The following NMS variants were observed in gnomAD, a reference collection of about 807,000 sequenced individuals.
NMS encodes neuromedin S.
NMS carries 30 observed loss-of-function variants against 32.2 expected under a neutral mutation model. The ratio of observed to expected loss-of-function variants is 0.93; its 90% CI spans 0.70 to 1.26. The LOEUF (loss-of-function observed/expected upper bound fraction) is 1.26. Ranked by LOEUF, NMS falls within the 50% of genes most tolerant of loss-of-function variation. The pLI is 0.00. For missense variants in NMS, 190 were observed against 186.3 expected, an observed-to-expected ratio of 1.02 and a Z score of -0.12; for synonymous variants, 76 against 58.5, an observed-to-expected ratio of 1.30 and a Z score of -1.37.
chr2:100,472,919 T>C (rs2104331299), intron 2 of NMS, 69 bp downstream of exon 2: 3 of 1,011,180 alleles, frequency 3.0e-6, no homozygotes, highest in Middle Eastern at 2.1e-4. Context: ...GTGTATAATG[T>C]TCACTTAAAA....
At chr2:100,474,315 C>T (rs1049680246) in intron 3 of NMS, among the ~76,000 whole-genome samples, 1 of 151,770 alleles carries the variant, frequency 6.6e-6, no homozygotes, top group African/African-American at 2.4e-5. Flanking sequence ...CACCTTGAGC[C>T]ACATCTCTTT....
intron 1 of NMS, among the ~76,000 whole-genome samples, chr2:100,471,481 T>C (rs893385734): frequency 6.6e-6 from 1 of 152,206 alleles, no homozygotes; most frequent in Non-Finnish European, 1.5e-5. Context: ...ATTTAACTAC[T>C]TCAATGACCC....
intron 5 of NMS, among the ~76,000 whole-genome samples, chr2:100,478,344 C>A (rs898761895): frequency 1.4e-4 from 22 of 152,178 alleles, no homozygotes; most frequent in African/African-American, 5.3e-4. Context: ...ATGTTCAAGG[C>A]TCTCCAAGTC....
At chr2:100,481,198 AACCTCG>A in intron 8 of NMS, 31 bp downstream of exon 8, 1 of 1,609,124 alleles carries the variant, frequency 6.2e-7, no homozygotes, top group South Asian at 1.1e-5. Context: ...TTTGCTTTCT[AACCTCG>A]ATTCACTGCA....
At position 100,481,116 on chromosome 2, in the gene NMS, T is replaced by C. The variant is rs768493812; in HGVS notation, c.373-10T>C. 4 of 1,614,024 alleles carry C rather than the reference T, an allele frequency of 2.5e-6. No individual in the cohort carries two copies. Among genetic ancestry groups the C allele is most frequent in the Non-Finnish European group, 3.4e-6 (4 of 1,179,860 alleles). ...GGTTGCATAATGGCTTGTGTTTCTA[T>C]ATGTTGCAGGATCACACTGCGACCT... On this transcript the variant is annotated splice_polypyrimidine_tract_variant and intron_variant, in intron 7 of 9. Transcript: ENST00000376865.
At chr2:100,475,535 C>A (rs1460369442) in intron 3 of NMS, among the ~76,000 whole-genome samples, 5 of 152,130 alleles carry the variant, frequency 3.3e-5, no homozygotes, top group African/African-American at 1.2e-4. Flanking sequence ...AGGGCTCTAC[C>A]ATTCACTCAT....
chr2:100,479,573 C>A, intron 6 of NMS, 146 bp downstream of exon 6: 1 of 709,920 alleles, frequency 1.4e-6, no homozygotes, highest in Non-Finnish European at 2.3e-6. Context: ...AGCAGAACTG[C>A]TGGTCCTTTG....
At chr2:100,482,368 T>G in intron 9 of NMS, 57 bp downstream of exon 9, 1 of 1,525,174 alleles carries the variant, frequency 6.6e-7, no homozygotes, top group Non-Finnish European at 9.1e-7. Flanking sequence ...AAATTTTATG[T>G]GTCTGACTGG....
At chr2:100,473,345 A>G (rs1253793896) in intron 2 of NMS, 144 bp from the exon 3 acceptor site, 3 of 348,490 alleles carry the variant, frequency 8.6e-6, no homozygotes, top group Non-Finnish European at 1.6e-5. Flanking sequence ...CCCATAGATT[A>G]TGGTTTATAC....
intron 1 of NMS, among the ~76,000 whole-genome samples, chr2:100,472,259 T>C (rs1677018612): frequency 6.6e-6 from 1 of 151,766 alleles, no homozygotes; most frequent in Admixed American, 6.6e-5. Flanking sequence ...CACAGGCAAG[T>C]GAGAAGAGGA....
intron 9 of NMS, among the ~76,000 whole-genome samples, 194 bp downstream of exon 9, chr2:100,482,505 C>T (rs1677238810): frequency 6.6e-6 from 1 of 151,974 alleles, no homozygotes; most frequent in Non-Finnish European, 1.5e-5. Flanking sequence ...CCCAGCCTAG[C>T]AGATGCAGGC....
At chr2:100,475,134 A>G (rs576532145) in intron 3 of NMS, among the ~76,000 whole-genome samples, 1 of 152,286 alleles carries the variant, frequency 6.6e-6, no homozygotes, top group East Asian at 1.9e-4. Flanking sequence ...AGTCTATCCC[A>G]TTCATTGTTT....
At chr2:100,475,193 T>A (rs1035184940) in intron 3 of NMS, among the ~76,000 whole-genome samples, 1 of 152,220 alleles carries the variant, frequency 6.6e-6, no homozygotes, top group Non-Finnish European at 1.5e-5. Flanking sequence ...ACTGCCAATA[T>A]TTAAAGGCAT....
intron 6 of NMS, among the ~76,000 whole-genome samples, chr2:100,479,658 C>T (rs1677179599): frequency 6.6e-6 from 1 of 152,202 alleles, no homozygotes; most frequent in Non-Finnish European, 1.5e-5. Context: ...GACCCCATGG[C>T]CCAGCCTGCT....
At position 100,478,251 on chromosome 2, in the gene NMS, C is replaced by G. The variant is rs182213282; in HGVS notation, c.261+837C>G. Reference sequence around the variant, plus strand: ...TGCTGGGATTACAGGCGTGAGCCACCATGCCCAGCCAGAATATAACTTTTA... The same window carrying G: ...TGCTGGGATTACAGGCGTGAGCCACGATGCCCAGCCAGAATATAACTTTTA... On this transcript the variant is annotated intron_variant, in intron 5 of 9. Transcript: ENST00000376865. 3.6e-3 allele frequency among the ~76,000 whole-genome samples: 554 copies of G among 152,214 alleles called. 2 individuals carry two copies. Among genetic ancestry groups the G allele is most frequent in the African/African-American group, 0.013 (524 of 41,552 alleles).
At chr2:100,472,917 T>C (rs1258101829) in intron 2 of NMS, 67 bp downstream of exon 2, 1 of 1,021,290 alleles carries the variant, frequency 9.8e-7, no homozygotes, top group Non-Finnish European at 1.5e-6. Flanking sequence ...ATGTGTATAA[T>C]GTTCACTTAA....
At chr2:100,474,055 G>A (rs1677059218) in intron 3 of NMS, among the ~76,000 whole-genome samples, 1 of 152,058 alleles carries the variant, frequency 6.6e-6, no homozygotes, top group Non-Finnish European at 1.5e-5. Flanking sequence ...GCGCATACCT[G>A]TAATCCCAGC....
At chr2:100,476,010 A>AG (rs1677103630) in intron 3 of NMS, among the ~76,000 whole-genome samples, 1 of 149,638 alleles carries the variant, frequency 6.7e-6, no homozygotes, top group Non-Finnish European at 1.5e-5. Flanking sequence ...AAAAAAAAAA[A>AG]AGAAAAGAAA....
chr2:100,480,640 C>T (rs993177566), intron 7 of NMS, 109 bp downstream of exon 7: 28 of 1,056,698 alleles, frequency 2.6e-5, no homozygotes, highest in Non-Finnish European at 3.7e-5. Flanking sequence ...CAGTTCTGGG[C>T]AGAGCTGGTC....
Sources: gnomAD v4.1 joint callset for allele counts (sites outside exome capture counted in the v4.1 genomes callset) on GRCh38, gnomAD v4.1.1 for gene constraint, MANE v1.5 for transcripts, NCBI Gene and HGNC (gene_info 2026-07-23, HGNC 2026-07-21) for gene names.